Variants in COL20A1 observed in about 807,000 individuals in gnomAD.
COL20A1 encodes the protein collagen alpha-1(XX) chain.
COL20A1 carries 164 observed loss-of-function variants against 152.9 expected under a neutral mutation model. The observed-to-expected ratio is 1.07, with a 90% CI of 0.94 to 1.22. The LOEUF is 1.22. COL20A1 is among the 50% of genes most tolerant of loss of function. The pLI is 0.00. For synonymous variants in COL20A1, 864 were observed against 756.0 expected (o/e 1.14, Z -2.34); for missense variants, 1,873 against 1,744.8 (o/e 1.07, Z -1.31).
chr20:63,325,174 CAGAGGGCTG>C lies in COL20A1; in HGVS notation c.3295-266_3295-258del. The C allele has an allele frequency of 1.9e-5, 12 of 633,918 alleles. No homozygotes were observed. The South Asian group carries it at 2.0e-4, about 10-fold the overall frequency. The allele number at this position is 633,918 out of a possible 1,614,324, so 39.3% of individuals were successfully genotyped here. A position where few individuals can be genotyped will look rare whatever the true frequency, so the allele number is the denominator to read the frequency against. ...CCATGTCGGTCTGGGTCTGAATGCC[CAGAGGGCTG>C]GGAGGGCTGGCTGTGACCCAGAGGG... On this transcript the variant is annotated intron_variant, in intron 27 of 35. Coordinates refer to ENST00000358894, the MANE Select transcript of COL20A1 (RefSeq NM_020882.4).
In COL20A1 at chr20:63,309,376, C is replaced by T. The variant is rs1299687633; in HGVS notation, c.984C>T (p.Ser328=). 3 of 1,542,470 alleles carry T rather than the reference C, an allele frequency of 1.9e-6. No individual in the cohort carries two copies. The highest frequency in any genetic ancestry group is 2.6e-6 in the Non-Finnish European group (3 of 1,139,432). ...ADEAELRLLA[S]PPRDITVHSV... is the part of the protein sequence containing the mutation. ...AGGCTGAGCTGAGGCTCCTGGCGTC[C>T]CCGCCGAGGGACATCACCGTCCACA... Residue 328 remains serine (S), a synonymous_variant, in exon 9 of 36, where the codon TCC becomes TCT. Coordinates refer to ENST00000358894, the MANE Select transcript of COL20A1 (RefSeq NM_020882.4).
intron 27 of COL20A1, among the ~76,000 whole-genome samples, chr20:63,323,149 C>T (rs1249008691): frequency 6.6e-6 from 1 of 152,228 alleles, no homozygotes; most frequent in Admixed American, 6.5e-5. Context: ...GCGTGAATGC[C>T]CTTTGAAAGT....
At position 63,307,973 on chromosome 20, in the gene COL20A1, C is replaced by T; in HGVS notation, c.658C>T (p.Leu220=). The change falls in exon 7 of 36, where the codon CTG becomes TTG. Residue 220 remains leucine (L), a splice_region_variant and synonymous_variant. Transcript: ENST00000358894. ...GTGGCCATGCCCCTGCTCCCCAGGC[C>T]TGACTCAGTACAGCGGGGATGCTCA... The part of the protein sequence containing the change: ...EIGPDKVQVG[L]TQYSGDAQTE... The T allele has an allele frequency of 6.2e-7, 1 of 1,612,444 alleles. No homozygotes were observed. The highest frequency in any genetic ancestry group is 8.5e-7 in the Non-Finnish European group (1 of 1,179,622).
Position 63,331,968 on chromosome 20 carries a change from A to G in COL20A1, c.*1252A>G. ...GGAACTGACCAGACCTGGAGACCAA[A>G]TAGAGAGTCATAGGCAGGGTCAGCA... On this transcript the variant is annotated 3_prime_UTR_variant, in exon 36 of 36. Coordinates refer to ENST00000358894, the MANE Select transcript of COL20A1 (RefSeq NM_020882.4). 6.6e-6 allele frequency: 1 copy of G among 152,352 alleles called. No individual in the cohort carries two copies. Among genetic ancestry groups the G allele is most frequent in the Non-Finnish European group, 1.5e-5 (1 of 68,132 alleles). The allele number at this position is 152,352 out of a possible 1,614,324, so 9.4% of individuals were successfully genotyped here.
chr20:63,313,710 C>A lies in COL20A1; in HGVS notation c.2210-33C>A, dbSNP rs1031572970. On this transcript the variant is annotated intron_variant, in intron 17 of 35. Coordinates refer to ENST00000358894, the MANE Select transcript of COL20A1 (RefSeq NM_020882.4). This position sits in a 1 kb window ranked among gnomAD's most constrained non-coding sequence, Gnocchi z 5.9. ...ACCGGGTGCCTCCTTTCTGGAGGGG[C>A]CTGAGCCCCACACAACCCATGCTCT... is the stretch of plus-strand genomic sequence containing the variant. 6 of 1,539,952 alleles carry A rather than the reference C, an allele frequency of 3.9e-6. No homozygotes were observed. The highest frequency in any genetic ancestry group is 4.3e-4 in the Middle Eastern group (2 of 4,682).
At position 63,319,126 on chromosome 20, in the gene COL20A1, C is replaced by T. The variant is rs1223089561; in HGVS notation, c.2732C>T (p.Thr911Ile). The T allele has an allele frequency of 6.2e-7, 1 of 1,613,232 alleles. No individual in the cohort carries two copies. The highest frequency in any genetic ancestry group is 8.5e-7 in the Non-Finnish European group (1 of 1,179,712). The change falls in exon 22 of 36, where the codon ACA (threonine) becomes ATA (isoleucine). Residue 911 changes from threonine (T) to isoleucine (I), a missense_variant. Physicochemically the swap from Thr to Ile is moderately conservative, Grantham distance 89. Transcript: ENST00000358894. This position sits in a 1 kb window ranked among gnomAD's most constrained non-coding sequence, Gnocchi z 4.4. ...IVFLVRLLPETPREAFALWQM... is the reference protein window; with the variant it reads ...IVFLVRLLPEIPREAFALWQM... The stretch of plus-strand genomic sequence containing the variant: ...TTCCTTGTGCGCCTACTTCCCGAGA[C>T]ACCCCGTGAGGCCTTCGCGCTGTGG...
At chr20:63,312,091 GA>G in intron 14 of COL20A1, 36 bp downstream of exon 14, 1 of 1,520,814 alleles carries the variant, frequency 6.6e-7, no homozygotes, top group South Asian at 1.3e-5. Context: ...CGAGTGTCTT[GA>G]GGGACCACAG....
chr20:63,316,514 A>G (rs1245167047), intron 20 of COL20A1, 39 bp from the exon 21 acceptor site: 1 of 1,545,924 alleles, frequency 6.5e-7, no homozygotes, highest in South Asian at 1.2e-5. Flanking sequence ...GCCATCTCTG[A>G]GGGTCCCTCG....
intron 26 of COL20A1, among the ~76,000 whole-genome samples, chr20:63,321,526 C>T (rs1032232708): frequency 1.6e-4 from 25 of 152,212 alleles, no homozygotes; most frequent in Middle Eastern, 3.2e-3. Context: ...CAGGGTGTGA[C>T]GTGGGCCGGC....
intron 8 of COL20A1, 136 bp downstream of exon 8, chr20:63,308,842 C>G (rs2067965761): frequency 2.5e-6 from 2 of 810,630 alleles, no homozygotes; most frequent in Admixed American, 3.2e-5. Context: ...GCACGCAGAG[C>G]CAGGCACCGC....
At chr20:63,294,901 C>G in intron 1 of COL20A1, 197 bp from the exon 2 acceptor site, 1 of 543,694 alleles carries the variant, frequency 1.8e-6, no homozygotes. Flanking sequence ...AGCCTTGGGT[C>G]CTTGAGTTTT....
chr20:63,321,386 G>T (rs1319837535), intron 26 of COL20A1, among the ~76,000 whole-genome samples: 3 of 151,520 alleles, frequency 2.0e-5, no homozygotes, highest in Non-Finnish European at 4.4e-5. Context: ...GGGGCCAGGC[G>T]CAGCTCCTTC....
chr20:63,318,530 G>A (rs2068114053), intron 21 of COL20A1, among the ~76,000 whole-genome samples: 1 of 152,154 alleles, frequency 6.6e-6, no homozygotes, highest in South Asian at 2.1e-4. Context: ...CCACTGGGCG[G>A]TGCCAATGAG....
intron 21 of COL20A1, among the ~76,000 whole-genome samples, chr20:63,316,980 C>T (rs1457393013): frequency 2.0e-5 from 3 of 152,178 alleles, no homozygotes; most frequent in East Asian, 1.9e-4. Flanking sequence ...TGATCAAACA[C>T]GCAGGAGCCC....
chr20:63,322,583 CG>C (rs1361170620), intron 27 of COL20A1, among the ~76,000 whole-genome samples: 2 of 152,196 alleles, frequency 1.3e-5, no homozygotes, highest in Non-Finnish European at 2.9e-5. Context: ...GGAGGTGTTT[CG>C]GGGGCGGAGG....
In COL20A1 at chr20:63,305,393, A is replaced by G. The variant is rs772701638; in HGVS notation, c.194-24A>G. Reference sequence around the variant, plus strand: ...CACACACGTGTGCACCTTGGCCTCTAAAGCTCTCCCCACCCCTACCCAGGG... The same window carrying G: ...CACACACGTGTGCACCTTGGCCTCTGAAGCTCTCCCCACCCCTACCCAGGG... On this transcript the variant is annotated intron_variant, in intron 3 of 35. Transcript: ENST00000358894. This position sits in a 1 kb window ranked among gnomAD's most constrained non-coding sequence, Gnocchi z 4.9. The G allele has an allele frequency of 5.5e-6, 8 of 1,466,182 alleles. No homozygotes were observed. Among genetic ancestry groups the G allele is most frequent in the African/African-American group, 1.4e-5 (1 of 68,982 alleles). The allele number at this position is 1,466,182 out of a possible 1,614,324, so 90.8% of individuals were successfully genotyped here.
chr20:63,295,319 C>T lies in COL20A1; in HGVS notation c.82+130C>T, dbSNP rs2067773514. On this transcript the variant is annotated intron_variant, in intron 2 of 35. Coordinates refer to ENST00000358894, the MANE Select transcript of COL20A1 (RefSeq NM_020882.4). Reference sequence around the variant, plus strand: ...AGTTGAATGCGTGCTGAATTCACAGCAGCTCCCACAACAAAGGCAAGACGG... The same window carrying T: ...AGTTGAATGCGTGCTGAATTCACAGTAGCTCCCACAACAAAGGCAAGACGG... The T allele has an allele frequency of 7.9e-6, 5 of 632,908 alleles. No individual in the cohort carries two copies. The South Asian group carries it at 9.8e-5, about 12-fold the overall frequency. The allele number at this position is 632,908 out of a possible 1,614,324, so 39.2% of individuals were successfully genotyped here. A position where few individuals can be genotyped will look rare whatever the true frequency, so the allele number is the denominator to read the frequency against.
At position 63,305,965 on chromosome 20, in the gene COL20A1, CGGG is replaced by C. The variant is rs773603267; in HGVS notation, c.424_426del (p.Gly142del). ...GCCCCGGAGCCCACCCCCTCCCACACGGGGAGCCCAGACCCTGAGCAGGCTTCT... is the reference window on the plus strand; with the variant it reads ...GCCCCGGAGCCCACCCCCTCCCACACGAGCCCAGACCCTGAGCAGGCTTCT... On this transcript the variant is annotated inframe_deletion, in exon 5 of 36. Coordinates refer to ENST00000358894, the MANE Select transcript of COL20A1 (RefSeq NM_020882.4). This position sits in a 1 kb window ranked among gnomAD's most constrained non-coding sequence, Gnocchi z 4.9. 1.2e-6 allele frequency: 2 copies of C among 1,612,506 alleles called. No individual in the cohort carries two copies. The highest frequency in any genetic ancestry group is 2.7e-5 in the African/African-American group (2 of 74,936).
At position 63,295,116 on chromosome 20, in the gene COL20A1, C is replaced by CG; in HGVS notation, c.11dup (p.Asp5ArgfsTer35). 6.4e-7 allele frequency: 1 copy of CG among 1,551,028 alleles called. No individual in the cohort carries two copies. Among genetic ancestry groups the CG allele is most frequent in the Non-Finnish European group, 8.7e-7 (1 of 1,147,196 alleles). Reference sequence around the variant, plus strand: ...GCCACAGCCCGAGCACCATGAGCTCCGGAGACCCTGCACACCTCGGCCTCT... The same window carrying CG: ...GCCACAGCCCGAGCACCATGAGCTCCGGGAGACCCTGCACACCTCGGCCTCT... On this transcript the variant is annotated frameshift_variant, in exon 2 of 36. Transcript: ENST00000358894. LOFTEE classifies it high-confidence loss of function.
Sources: gnomAD v4.1 joint callset for allele counts (sites outside exome capture counted in the v4.1 genomes callset) on GRCh38, gnomAD v4.1.1 for gene constraint, Gnocchi (gnomAD v3.1) non-coding constraint, MANE v1.5 for transcripts, NCBI Gene and HGNC (gene_info 2026-07-23, HGNC 2026-07-21) for gene names.